The following HEMK2 variants were observed in gnomAD, a reference collection of about 807,000 sequenced individuals.
HEMK2 encodes methyltransferase HEMK2.
chr21:28,839,724 C>A, the HEMK2 span, among the ~76,000 whole-genome samples: 1 of 152,002 alleles, frequency 6.6e-6, no homozygotes, highest in Non-Finnish European at 1.5e-5. Flanking sequence ...TAGACAACAT[C>A]AACAAATGGA....
At chr21:28,751,145 G>A in the HEMK2 span, among the ~76,000 whole-genome samples, 3 of 150,644 alleles carry the variant, frequency 2.0e-5, no homozygotes, top group African/African-American at 7.4e-5. Context: ...GCAGGAGAAT[G>A]GTGTGAACCC....
the HEMK2 span, among the ~76,000 whole-genome samples, chr21:28,831,564 AAGG>A: frequency 1.1e-5 from 1 of 87,410 alleles, no homozygotes; most frequent in Non-Finnish European, 2.1e-5. Flanking sequence ...AGAAGGAAAG[AAGG>A]AAAGAAAGAA....
At chr21:28,725,683 G>A in the HEMK2 span, among the ~76,000 whole-genome samples, 4 of 152,158 alleles carry the variant, frequency 2.6e-5, no homozygotes, top group East Asian at 1.9e-4. Context: ...TCTGCCATCC[G>A]CAGTCCAGAT....
chr21:28,735,602 G>A, the HEMK2 span, among the ~76,000 whole-genome samples: 1 of 152,094 alleles, frequency 6.6e-6, no homozygotes, highest in South Asian at 2.1e-4. Flanking sequence ...AGAGACAAGG[G>A]TCCCAGTAAA....
chr21:28,632,274 T>C, the HEMK2 span, among the ~76,000 whole-genome samples: 1 of 152,348 alleles, frequency 6.6e-6, no homozygotes, highest in African/African-American at 2.4e-5. Context: ...GAGAGTCTTA[T>C]TAAAATGCAG....
At chr21:28,728,127 T>C in the HEMK2 span, among the ~76,000 whole-genome samples, 2 of 152,242 alleles carry the variant, frequency 1.3e-5, no homozygotes, top group African/African-American at 2.4e-5. Flanking sequence ...ACTCTAAGTT[T>C]GTGGTAATTT....
the HEMK2 span, among the ~76,000 whole-genome samples, chr21:28,857,293 A>T: frequency 1.4e-5 from 2 of 147,508 alleles, no homozygotes; most frequent in African/African-American, 4.9e-5. Flanking sequence ...TTTCTACCTT[A>T]AAATTGTAGA....
chr21:28,601,967 T>C, the HEMK2 span, among the ~76,000 whole-genome samples: 1 of 152,234 alleles, frequency 6.6e-6, no homozygotes. Context: ...AATAGAGCAC[T>C]GTCCTCCTAG....
the HEMK2 span, among the ~76,000 whole-genome samples, chr21:28,721,899 A>ATC: frequency 5.7e-4 from 67 of 117,590 alleles, no homozygotes; most frequent in East Asian, 0.017. Flanking sequence ...ATTCTTAACC[A>ATC]TCACACACAC....
chr21:28,634,035 C>T, the HEMK2 span, among the ~76,000 whole-genome samples: 11 of 152,294 alleles, frequency 7.2e-5, no homozygotes, highest in South Asian at 1.0e-3. Context: ...GTTTCATGTT[C>T]GGGAACTCCT....
chr21:28,688,885 T>C, the HEMK2 span, among the ~76,000 whole-genome samples: 3 of 152,150 alleles, frequency 2.0e-5, no homozygotes, highest in Non-Finnish European at 4.4e-5. Flanking sequence ...ACAGGAGATC[T>C]ACAAGTGGTG....
At chr21:28,644,528 C>T in the HEMK2 span, among the ~76,000 whole-genome samples, 3 of 152,214 alleles carry the variant, frequency 2.0e-5, no homozygotes, top group African/African-American at 4.8e-5. Context: ...AAACAATCAG[C>T]TCATCTCAAG....
chr21:28,608,351 A>T, the HEMK2 span, among the ~76,000 whole-genome samples: 1 of 151,336 alleles, frequency 6.6e-6, no homozygotes, highest in African/African-American at 2.4e-5. Context: ...TAAACTAAAA[A>T]CTCCTATTAG....
chr21:28,713,878 G>A, the HEMK2 span, among the ~76,000 whole-genome samples: 1 of 152,118 alleles, frequency 6.6e-6, no homozygotes, highest in Admixed American at 6.5e-5. Context: ...CATTTTATAT[G>A]GCCAATATGT....
chr21:28,663,931 G>C, the HEMK2 span, among the ~76,000 whole-genome samples: 1 of 152,162 alleles, frequency 6.6e-6, no homozygotes, highest in Non-Finnish European at 1.5e-5. Flanking sequence ...TATGCAAACT[G>C]AAGGCAAATT....
the HEMK2 span, among the ~76,000 whole-genome samples, chr21:28,652,931 G>A: frequency 6.6e-6 from 1 of 152,148 alleles, no homozygotes; most frequent in Non-Finnish European, 1.5e-5. Flanking sequence ...TTACCTGGGA[G>A]TTACTGACCC....
the HEMK2 span, among the ~76,000 whole-genome samples, chr21:28,803,000 A>T: frequency 6.6e-6 from 1 of 152,214 alleles, no homozygotes; most frequent in Admixed American, 6.5e-5. Flanking sequence ...TAAGAACTTC[A>T]AGATGGCAGC....
chr21:28,672,349 T>C, the HEMK2 span, among the ~76,000 whole-genome samples: 1 of 151,948 alleles, frequency 6.6e-6, no homozygotes, highest in Non-Finnish European at 1.5e-5. Flanking sequence ...ATTTAAGATG[T>C]AGAAAATGGT....
At chr21:28,588,995 A>G in the HEMK2 span, among the ~76,000 whole-genome samples, 3 of 151,890 alleles carry the variant, frequency 2.0e-5, no homozygotes, top group Non-Finnish European at 4.4e-5. Context: ...AAAAAAAAAA[A>G]AAAGAGTTAT....
Sources: gnomAD v4.1 joint callset for allele counts (sites outside exome capture counted in the v4.1 genomes callset) on GRCh38, gnomAD v4.1.1 for gene constraint, MANE v1.5 for transcripts, NCBI Gene and HGNC (gene_info 2026-07-23, HGNC 2026-07-21) for gene names.